The following USP24 variants were observed in gnomAD, a reference collection of about 807,000 sequenced individuals.
The protein encoded by USP24 is ubiquitin specific peptidase 24.
Under a neutral mutation model 361.6 loss-of-function variants are expected in USP24, and 97 were observed. The observed-to-expected ratio is 0.27, with a 90% CI of 0.23 to 0.32. The LOEUF is 0.32. USP24 is among the 10% of genes least tolerant of loss of function. The pLI is 1.00. For synonymous variants in USP24, 1,098 were observed against 1,124.6 expected (o/e 0.98, Z 0.47); for missense variants, 2,353 against 3,165.6 (o/e 0.74, Z 6.16).
chr1:55,206,381 C>T (rs1055341865), intron 1 of USP24, among the ~76,000 whole-genome samples: 8 of 151,992 alleles, frequency 5.3e-5, no homozygotes, highest in African/African-American at 1.7e-4. Context: ...ATTGAGCTAA[C>T]CTTGAAGAAC....
intron 7 of USP24, among the ~76,000 whole-genome samples, chr1:55,164,703 T>C (rs2100776752): frequency 6.6e-6 from 1 of 152,170 alleles, no homozygotes; most frequent in East Asian, 1.9e-4. Flanking sequence ...TCTTTAACTT[T>C]AGCACATTTG....
Position 55,077,283 on chromosome 1 carries a change from A to C in USP24, c.7332T>G (p.Ala2444=), listed in dbSNP as rs1369974921. ...ACGTATTCTTTAACTCATGAGGTGG[A>C]GCCGTTTCTAGTTGGTTCTGAAATA... ...LHFIKNQLET[A]PPHELKNTFQ... is the part of the protein sequence containing the mutation. The change falls in exon 62 of 68, where the codon GCT becomes GCG. Residue 2444 remains alanine (A), a synonymous_variant. Transcript: ENST00000294383. 1.9e-5 allele frequency: 30 copies of C among 1,564,882 alleles called. No homozygotes were observed. Among genetic ancestry groups the C allele is most frequent in the Non-Finnish European group, 2.6e-5 (30 of 1,151,462 alleles).
chr1:55,142,083 C>T (rs540611752), intron 23 of USP24, among the ~76,000 whole-genome samples: 9 of 152,086 alleles, frequency 5.9e-5, no homozygotes, highest in South Asian at 2.1e-4. Context: ...AGGGAAATAC[C>T]GTACATATTC....
At chr1:55,082,957 C>T (rs548507109) in intron 58 of USP24, among the ~76,000 whole-genome samples, 2 of 152,214 alleles carry the variant, frequency 1.3e-5, no homozygotes, top group South Asian at 2.1e-4. Flanking sequence ...CCAAGACAGC[C>T]TTGTTCACAG....
intron 7 of USP24, among the ~76,000 whole-genome samples, chr1:55,162,928 G>T (rs531936633): frequency 6.6e-6 from 1 of 152,054 alleles, no homozygotes; most frequent in East Asian, 1.9e-4. Flanking sequence ...GTACAGAAAT[G>T]AACCAAATAA....
At chr1:55,116,866 G>A (rs1258719576) in intron 38 of USP24, among the ~76,000 whole-genome samples, 2 of 152,084 alleles carry the variant, frequency 1.3e-5, no homozygotes, top group Admixed American at 1.3e-4. Context: ...GTATTACCCT[G>A]ATACAAAAGC....
rs554094246 is a variant in USP24, at chr1:55,129,585, G to C, written c.3538-11C>G. ...TTTGGAGCTTAGAACCTAGGGAACA[G>C]ATAAGCACAATTATTCATCCACACA... On this transcript the variant is annotated splice_polypyrimidine_tract_variant and intron_variant, in intron 31 of 67. Coordinates refer to ENST00000294383, the MANE Select transcript of USP24 (RefSeq NM_015306.3). 3.7e-5 allele frequency: 60 copies of C among 1,608,044 alleles called. No individual in the cohort carries two copies. In the South Asian group the frequency reaches 5.7e-4, roughly 15 times the overall value.
chr1:55,099,702 G>T, intron 45 of USP24, 69 bp downstream of exon 45: 2 of 1,121,360 alleles, frequency 1.8e-6, no homozygotes, highest in Non-Finnish European at 2.6e-6. Context: ...AACCCCAAAT[G>T]CTAAGACACT....
At position 55,069,115 on chromosome 1, in the gene USP24, AAAG is replaced by A. The variant is rs1220267899; in HGVS notation, c.7801-11_7801-9del. 5 of 1,613,876 alleles carry A rather than the reference AAAG, an allele frequency of 3.1e-6. No homozygotes were observed. The highest frequency in any genetic ancestry group is 2.2e-5 in the East Asian group (1 of 44,898). Reference sequence around the variant, plus strand: ...CATGGGAGATTCTGAACCCTGCAGAAAAGAAAAGGAAGTTAAAGTTCATACGGT... The same window carrying A: ...CATGGGAGATTCTGAACCCTGCAGAAAAAAGGAAGTTAAAGTTCATACGGT... On this transcript the variant is annotated splice_polypyrimidine_tract_variant and intron_variant, in intron 67 of 67. Coordinates refer to ENST00000294383, the MANE Select transcript of USP24 (RefSeq NM_015306.3).
intron 1 of USP24, among the ~76,000 whole-genome samples, chr1:55,197,922 T>C (rs999845846): frequency 2.6e-5 from 4 of 152,200 alleles, no homozygotes; most frequent in African/African-American, 9.6e-5. Flanking sequence ...GAAAAGCAAA[T>C]GCTATTTGCT....
chr1:55,096,517 T>C lies in USP24; in HGVS notation c.6042A>G (p.Arg2014=), dbSNP rs768368495. The C allele has an allele frequency of 3.8e-6, 6 of 1,598,714 alleles. No homozygotes were observed. Among genetic ancestry groups the C allele is most frequent in the Non-Finnish European group, 5.1e-6 (6 of 1,173,874 alleles). ...LEYECFGGEY[R]PKVYDQTNPY... ...ACTTACTTTGATCATAAACTTTTGG[T>C]CTATATTCTCCTCCAAAGCATTCAT... Residue 2014 remains arginine, a synonymous_variant, in exon 50 of 68, where the codon AGA becomes AGG. Transcript: ENST00000294383.
intron 5 of USP24, among the ~76,000 whole-genome samples, chr1:55,168,239 C>T (rs897794509): frequency 6.6e-6 from 1 of 152,036 alleles, no homozygotes; most frequent in African/African-American, 2.4e-5. Context: ...TGGAAACATG[C>T]AGGGGTGTTG....
rs1370078330 is a variant in USP24 at position 55,153,904 on chromosome 1, G to A, written c.1826C>T (p.Ser609Leu). Residue 609 changes from serine (S) to leucine (L), a missense_variant, in exon 16 of 68, where the codon TCA becomes TTA. By Grantham distance (145) the Ser-to-Leu change is moderately radical. Coordinates refer to ENST00000294383, the MANE Select transcript of USP24 (RefSeq NM_015306.3). ...IEDIKRPGEW[S>L]GLEKNKKDGF... ...ATCCTTCTTGTTTTTTTCCAAACCT[G>A]ACCATTCTCCAGGCTGAAAATTCAT... 6.4e-7 allele frequency: 1 copy of A among 1,550,692 alleles called. No individual in the cohort carries two copies. The highest frequency in any genetic ancestry group is 2.4e-5 in the East Asian group (1 of 40,886).
At chr1:55,137,983 G>C in intron 26 of USP24, 79 bp from the exon 27 acceptor site, 1 of 1,357,532 alleles carries the variant, frequency 7.4e-7, no homozygotes, top group South Asian at 1.3e-5. Flanking sequence ...ACATCTACTA[G>C]GTACTGGGCA....
chr1:55,107,101 C>T (rs762989674), intron 40 of USP24, 138 bp downstream of exon 40: 268 of 959,818 alleles, frequency 2.8e-4, no homozygotes, highest in Middle Eastern at 5.1e-4. Context: ...ACTAAAATAA[C>T]GGACAATTTC....
At chr1:55,076,120 T>C (rs1645027126) in intron 62 of USP24, among the ~76,000 whole-genome samples, 1 of 152,260 alleles carries the variant, frequency 6.6e-6, no homozygotes. Context: ...CAACTAGATC[T>C]ATAGTTCTCT....
chr1:55,214,835 G>A lies in USP24; in HGVS notation c.279C>T (p.Gly93=), dbSNP rs940311844. ...GGTAGGCGGGCGGGGGGTCGAAGCCGCCCCCGCCTCCGGTGCTCCCGCCGC... is the reference window on the plus strand; with the variant it reads ...GGTAGGCGGGCGGGGGGTCGAAGCCACCCCCGCCTCCGGTGCTCCCGCCGC... ...PSRGGSTGGG[G]GFDPPPAYHE... The change falls in exon 1 of 68, where the codon GGC becomes GGT. Residue 93 remains glycine, a synonymous_variant. Coordinates refer to ENST00000294383, the MANE Select transcript of USP24 (RefSeq NM_015306.3). 9 of 1,222,014 alleles carry A rather than the reference G, an allele frequency of 7.4e-6. No individual in the cohort carries two copies. The highest frequency in any genetic ancestry group is 1.6e-5 in the African/African-American group (1 of 63,034). 75.7% of individuals were successfully genotyped at this position (1,222,014 alleles called of 1,614,324 possible).
chr1:55,109,091 C>T (rs149552886), intron 39 of USP24, among the ~76,000 whole-genome samples: 4,822 of 152,306 alleles, frequency 0.032, 109 homozygotes, highest in Middle Eastern at 0.088. Flanking sequence ...TGGGTTCAAG[C>T]GATTCTCCTG....
intron 24 of USP24, among the ~76,000 whole-genome samples, chr1:55,140,268 T>A (rs1646851826): frequency 6.6e-6 from 1 of 152,126 alleles, no homozygotes. Context: ...AGTTTGGACA[T>A]CCTAACCCAA....
Sources: gnomAD v4.1 joint callset for allele counts (sites outside exome capture counted in the v4.1 genomes callset) on GRCh38, gnomAD v4.1.1 for gene constraint, MANE v1.5 for transcripts, NCBI Gene and HGNC (gene_info 2026-07-23, HGNC 2026-07-21) for gene names.